TRPC6: variants seen among roughly 807,000 people sequenced by gnomAD.
TRPC6 encodes the protein transient receptor potential cation channel subfamily C member 6.
TRPC6 carries 55 observed loss-of-function variants against 90.7 expected under a neutral mutation model. The ratio of observed to expected loss-of-function variants is 0.61; its 90% confidence interval spans 0.49 to 0.76. TRPC6 has a LOEUF of 0.76. Ranked by LOEUF, TRPC6 falls within the 30% of genes least tolerant of loss-of-function variation. TRPC6 has a pLI of 0.00. For synonymous variants in TRPC6, 393 were observed against 393.0 expected (o/e 1.00, Z 0.00); for missense variants, 989 against 1,122.7 (o/e 0.88, Z 1.70).
chr11:101,550,021 A>G (rs1185220503), intron 1 of TRPC6, among the ~76,000 whole-genome samples: 1 of 151,690 alleles, frequency 6.6e-6, no homozygotes, highest in Admixed American at 6.6e-5. Context: ...AGAAAGTGGA[A>G]CAGTCTTTTT....
At chr11:101,531,077 G>A (rs1034419479) in intron 1 of TRPC6, among the ~76,000 whole-genome samples, 3 of 152,120 alleles carry the variant, frequency 2.0e-5, no homozygotes, top group Non-Finnish European at 4.4e-5. Flanking sequence ...ACCTAATGTT[G>A]CTTAATGCAT....
chr11:101,494,917 A>C (rs1221035987), intron 2 of TRPC6, among the ~76,000 whole-genome samples: 1 of 152,242 alleles, frequency 6.6e-6, no homozygotes, highest in Non-Finnish European at 1.5e-5. Context: ...AAATATTTTC[A>C]TATTTTCAGT....
intron 5 of TRPC6, among the ~76,000 whole-genome samples, chr11:101,481,928 C>A (rs544792763): frequency 6.6e-6 from 1 of 152,150 alleles, no homozygotes; most frequent in Non-Finnish European, 1.5e-5. Context: ...TTCGAGTGTG[C>A]GAGGTATTGC....
At chr11:101,536,996 G>C (rs1471629788) in intron 1 of TRPC6, among the ~76,000 whole-genome samples, 1 of 152,198 alleles carries the variant, frequency 6.6e-6, no homozygotes, top group Non-Finnish European at 1.5e-5. Context: ...AGGATTTACA[G>C]ACTGGCTGTG....
rs570292972 is a variant in TRPC6 at position 101,455,063 on chromosome 11, T to A, written c.2523A>T (p.Glu841Asp). 1 of 1,612,722 alleles carries A rather than the reference T, an allele frequency of 6.2e-7. No individual in the cohort carries two copies. The highest frequency in any genetic ancestry group is 1.1e-5 in the South Asian group (1 of 91,044). ...TATTGAAACTATTTAGATGGAAATC[T>A]TCTGAGCTCCTTATACTTGGTTGTT... is the stretch of plus-strand genomic sequence containing the variant. ...HNKQPSIRSS[E>D]DFHLNSFNNP... is the part of the protein sequence containing the mutation. Residue 841 changes from glutamate (E) to aspartate (D), a missense_variant, in exon 11 of 13, where the codon GAA (glutamate) becomes GAT (aspartate). Physicochemically the swap from Glu to Asp is conservative, Grantham distance 45. Transcript: ENST00000344327.
chr11:101,530,693 C>T (rs1366713439), intron 1 of TRPC6, among the ~76,000 whole-genome samples: 1 of 152,166 alleles, frequency 6.6e-6, no homozygotes, highest in Non-Finnish European at 1.5e-5. Context: ...CCAGTCTGCC[C>T]AGGGACCAAA....
At chr11:101,475,992 A>T (rs139902586) in intron 6 of TRPC6, among the ~76,000 whole-genome samples, 306 of 151,814 alleles carry the variant, frequency 2.0e-3, no homozygotes, top group African/African-American at 7.3e-3. Context: ...ATTTTTAATT[A>T]AAAAAGAGGG....
At chr11:101,575,676 G>T (rs1333405352) in intron 1 of TRPC6, among the ~76,000 whole-genome samples, 1 of 152,114 alleles carries the variant, frequency 6.6e-6, no homozygotes, top group African/African-American at 2.4e-5. Flanking sequence ...TGAATAAATA[G>T]ATTAATGAAT....
intron 2 of TRPC6, among the ~76,000 whole-genome samples, chr11:101,494,063 G>A (rs1187698301): frequency 7.2e-5 from 11 of 152,170 alleles, no homozygotes; most frequent in Admixed American, 1.3e-4. Flanking sequence ...ATAAACAGAC[G>A]TCTGGGCAGA....
chr11:101,558,314 T>C lies in TRPC6; in HGVS notation c.170+25020A>G, dbSNP rs371113228. ...ACATGTATATGGGTATACATGTATA[T>C]ATGTATACATGTATATGGGTATACA... On this transcript the variant is annotated intron_variant, in intron 1 of 12. Transcript: ENST00000344327. Among the ~76,000 whole-genome samples, 615 of 81,226 alleles carry C rather than the reference T, an allele frequency of 7.6e-3. 40 individuals are homozygous for C. The highest frequency in any genetic ancestry group is 0.012 in the African/African-American group (246 of 20,578). 53.3% of individuals were successfully genotyped at this position (81,226 alleles called of 152,430 possible). A position where few individuals can be genotyped will look rare whatever the true frequency, so the allele number is the denominator to read the frequency against.
chr11:101,456,138 A>AAATT (rs1385758343), intron 10 of TRPC6, among the ~76,000 whole-genome samples: 3 of 152,192 alleles, frequency 2.0e-5, no homozygotes, highest in South Asian at 2.1e-4. Context: ...ATAATTCATC[A>AAATT]AATTAACCAA....
chr11:101,526,931 T>C (rs974303858), intron 1 of TRPC6, among the ~76,000 whole-genome samples: 3 of 104,592 alleles, frequency 2.9e-5, no homozygotes, highest in Non-Finnish European at 5.8e-5. Flanking sequence ...CAATAGAAAA[T>C]GTATTTTTAA....
intron 10 of TRPC6, among the ~76,000 whole-genome samples, chr11:101,460,844 G>A (rs1038308563): frequency 1.3e-5 from 2 of 151,964 alleles, no homozygotes; most frequent in Non-Finnish European, 2.9e-5. Flanking sequence ...CAACCCCAAG[G>A]GTTGCTATGA....
At chr11:101,462,222 A>G (rs556019660) in intron 10 of TRPC6, among the ~76,000 whole-genome samples, 119 of 152,212 alleles carry the variant, frequency 7.8e-4, no homozygotes, top group African/African-American at 2.8e-3. Context: ...GTAGCCTTGT[A>G]GTATAGTTTG....
intron 1 of TRPC6, among the ~76,000 whole-genome samples, chr11:101,568,449 A>C (rs567174381): frequency 6.6e-6 from 1 of 152,210 alleles, no homozygotes; most frequent in Admixed American, 6.5e-5. Flanking sequence ...TCAGAATATT[A>C]TCCAGGAGAA....
intron 8 of TRPC6, among the ~76,000 whole-genome samples, chr11:101,471,936 C>T (rs755337821): frequency 2.6e-5 from 4 of 152,192 alleles, no homozygotes; most frequent in Non-Finnish European, 5.9e-5. Context: ...TGCCTTACGT[C>T]TCTGCCCCAT....
Position 101,476,525 on chromosome 11 carries a change from C to A in TRPC6, c.1520G>T (p.Trp507Leu). 6.2e-7 allele frequency: 1 copy of A among 1,613,540 alleles called. No homozygotes were observed. The highest frequency in any genetic ancestry group is 8.5e-7 in the Non-Finnish European group (1 of 1,179,516). ...LIISWVIGMI[W>L]AECKEIWTQG... is the part of the protein sequence containing the mutation. ...AGTCCAGATTTCTTTACATTCAGCCCATATCATGCCTGCATCAGAAAGGGG... is the reference window on the plus strand; with the variant it reads ...AGTCCAGATTTCTTTACATTCAGCCAATATCATGCCTGCATCAGAAAGGGG... The change falls in exon 6 of 13, where the codon TGG becomes TTG. Residue 507 changes from tryptophan to leucine, a missense_variant. By Grantham distance (61) the Trp-to-Leu change is moderately conservative (BLOSUM62 -2). Transcript: ENST00000344327.
intron 1 of TRPC6, among the ~76,000 whole-genome samples, chr11:101,572,004 G>C (rs1861974601): frequency 6.6e-6 from 1 of 152,118 alleles, no homozygotes; most frequent in South Asian, 2.1e-4. Context: ...GGCAACAAAA[G>C]CCAAAATTGA....
intron 1 of TRPC6, among the ~76,000 whole-genome samples, chr11:101,560,056 C>A (rs1253856223): frequency 1.1e-4 from 16 of 152,002 alleles, no homozygotes; most frequent in Admixed American, 1.1e-3. Context: ...TGTATGACAA[C>A]AAGATAACTT....
Sources: gnomAD v4.1 joint callset for allele counts (sites outside exome capture counted in the v4.1 genomes callset) on GRCh38, gnomAD v4.1.1 for gene constraint, MANE v1.5 for transcripts, NCBI Gene and HGNC (gene_info 2026-07-23, HGNC 2026-07-21) for gene names.